Variants in CCDC127 observed in about 807,000 individuals in gnomAD.
CCDC127 encodes coiled-coil domain-containing protein 127.
In CCDC127, 2 loss-of-function variants were observed where a neutral mutation model predicts 4.1. The observed-to-expected ratio is 0.49, with a 90% CI of 0.20 to 1.53. The LOEUF is 1.53. Ranked by LOEUF, CCDC127 falls within the 40% of genes most tolerant of loss-of-function variation. The probability of loss-of-function intolerance (pLI) is 0.23; values close to 1 mark genes in which losing one functional copy is unlikely to be tolerated. For missense variants in CCDC127, 271 were observed against 322.9 expected, an observed-to-expected ratio of 0.84 and a Z score of 1.23; for synonymous variants, 98 against 120.4, an observed-to-expected ratio of 0.81 and a Z score of 1.22.
In CCDC127 at chr5:196,950, A is replaced by T. The variant is rs1479656233; in HGVS notation, c.*8347T>A. On this transcript the variant is annotated 3_prime_UTR_variant, in exon 3 of 3. Transcript: ENST00000296824. Reference sequence around the variant, plus strand: ...CTGGCACCGGCCTCTGAGTTCCCTCAGTTTTTATTATTATTTTCATTATTT... The same window carrying T: ...CTGGCACCGGCCTCTGAGTTCCCTCTGTTTTTATTATTATTTTCATTATTT... The T allele has an allele frequency of 3.7e-5, 2 of 54,108 alleles. No individual in the cohort carries two copies. The highest frequency in any genetic ancestry group is 1.0e-4 in the African/African-American group (2 of 19,736). The allele number at this position is 54,108 out of a possible 1,614,324, so 3.4% of individuals were successfully genotyped here.
At chr5:208,740 T>C (rs1289817285) in intron 2 of CCDC127, among the ~76,000 whole-genome samples, 2 of 152,244 alleles carry the variant, frequency 1.3e-5, no homozygotes, top group African/African-American at 4.8e-5. Flanking sequence ...GTAAGGAGGC[T>C]GCGTGGCCCT....
At chr5:217,053 C>T in intron 1 of CCDC127, 194 bp from the exon 2 acceptor site, 1 of 549,416 alleles carries the variant, frequency 1.8e-6, no homozygotes, top group Non-Finnish European at 3.1e-6. Context: ...ATCGCTTGAA[C>T]CTGGGAGGTG....
chr5:205,506 C>A lies in CCDC127; in HGVS notation c.574G>T (p.Val192Leu), dbSNP rs751403004. The A allele has an allele frequency of 1.1e-5, 18 of 1,613,990 alleles. No homozygotes were observed. Among genetic ancestry groups the A allele is most frequent in the Non-Finnish European group, 1.4e-5 (17 of 1,179,846 alleles). ...KRLEIEKSLL[V>L]RASVDPVAAD... ...GCGACGGGGTCGACGGACGCTCGCA[C>A]CAGTAAGCTCTTCTCTATCTCCAGC... The change falls in exon 3 of 3, where the codon GTG (valine) becomes TTG (leucine). Residue 192 changes from valine (V) to leucine (L), a missense_variant. Val to Leu is a conservative substitution (Grantham distance 32). This residue lies in a region of CCDC127 where 265 missense variants were observed against 270.9 expected (regional missense o/e 0.98). Coordinates refer to ENST00000296824, the MANE Select transcript of CCDC127 (RefSeq NM_145265.3).
intron 2 of CCDC127, among the ~76,000 whole-genome samples, chr5:207,441 G>C (rs1395273582): frequency 6.6e-6 from 1 of 152,190 alleles, no homozygotes; most frequent in Non-Finnish European, 1.5e-5. Flanking sequence ...GGAGAGAGAA[G>C]GGAAGGCTCG....
rs1734120861 is a variant in CCDC127, at chr5:204,011, A to C, written c.*1286T>G. Reference sequence around the variant, plus strand: ...TACTTGTGCTCACGGCACAGACCACACCAAACCCACCCTCCTTCTGGACAA... The same window carrying C: ...TACTTGTGCTCACGGCACAGACCACCCCAAACCCACCCTCCTTCTGGACAA... On this transcript the variant is annotated 3_prime_UTR_variant, in exon 3 of 3. Transcript: ENST00000296824. 1.3e-5 allele frequency: 2 copies of C among 152,266 alleles called. No individual in the cohort carries two copies. The highest frequency in any genetic ancestry group is 4.8e-5 in the African/African-American group (2 of 41,444). The allele number at this position is 152,266 out of a possible 1,614,324, so 9.4% of individuals were successfully genotyped here. A position where few individuals can be genotyped will look rare whatever the true frequency, so the allele number is the denominator to read the frequency against.
chr5:201,600 C>T lies in CCDC127; in HGVS notation c.*3697G>A, dbSNP rs752739894. 4 of 152,060 alleles carry T rather than the reference C, an allele frequency of 2.6e-5. No homozygotes were observed. Among genetic ancestry groups the T allele is most frequent in the African/African-American group, 7.3e-5 (3 of 41,378 alleles). The allele number at this position is 152,060 out of a possible 1,614,324, so 9.4% of individuals were successfully genotyped here. A position where few individuals can be genotyped will look rare whatever the true frequency, so the allele number is the denominator to read the frequency against. ...TTATATATCCTTATGGATGAATAAGCGCAAAGGAGGAAAAAGCGCATCTAC... is the reference window on the plus strand; with the variant it reads ...TTATATATCCTTATGGATGAATAAGTGCAAAGGAGGAAAAAGCGCATCTAC... On this transcript the variant is annotated 3_prime_UTR_variant, in exon 3 of 3. Transcript: ENST00000296824.
At chr5:215,153 G>C (rs1734355636) in intron 2 of CCDC127, 1 of 152,128 alleles carries the variant, frequency 6.6e-6, no homozygotes, top group African/African-American at 2.4e-5. Context: ...ACTACACTAG[G>C]GGCTGGTTAA....
rs1734162881 is a variant in CCDC127 at position 205,925 on chromosome 5, A to G, written c.155T>C (p.Val52Ala). The change falls in exon 3 of 3, where the codon GTA (valine) becomes GCA (alanine). Residue 52 changes from valine to alanine, a missense_variant. Transcript: ENST00000296824. ...WIWSRESQKE[V>A]EKEREAYRRR... is the part of the protein sequence containing the mutation. ...ACGGTAGGCTTCTCTCTCTTTTTCT[A>G]CTTCTTTCTGGGACTCCCTAGACCA... The G allele has an allele frequency of 1.9e-6, 3 of 1,613,374 alleles. No individual in the cohort carries two copies. Among genetic ancestry groups the G allele is most frequent in the Non-Finnish European group, 2.5e-6 (3 of 1,179,608 alleles).
At position 197,370 on chromosome 5, in the gene CCDC127, G is replaced by A. The variant is rs896360917; in HGVS notation, c.*7927C>T. 1 of 152,236 alleles carries A rather than the reference G, an allele frequency of 6.6e-6. No individual in the cohort carries two copies. Among genetic ancestry groups the A allele is most frequent in the Admixed American group, 6.5e-5 (1 of 15,292 alleles). The allele number at this position is 152,236 out of a possible 1,614,324, so 9.4% of individuals were successfully genotyped here. A position where few individuals can be genotyped will look rare whatever the true frequency, so the allele number is the denominator to read the frequency against. On this transcript the variant is annotated 3_prime_UTR_variant, in exon 3 of 3. Transcript: ENST00000296824. ...ACCCTTTACGGGTGTCGGGCTGGGG[G>A]ACGGTCAGGTCTTTCTCATTCCACG...
In CCDC127 at chr5:202,902, A is replaced by T. The variant is rs538025007; in HGVS notation, c.*2395T>A. ...CTTGATGCATCAGGAAGTACAAACA[A>T]CAACAGGAAGAGTTTTGTCCAGATT... On this transcript the variant is annotated 3_prime_UTR_variant, in exon 3 of 3. Transcript: ENST00000296824. The T allele has an allele frequency of 6.6e-5, 10 of 152,306 alleles. No homozygotes were observed. The highest frequency in any genetic ancestry group is 2.4e-4 in the African/African-American group (10 of 41,554). 9.4% of individuals were successfully genotyped at this position (152,306 alleles called of 1,614,324 possible).
intron 2 of CCDC127, among the ~76,000 whole-genome samples, chr5:207,581 C>A (rs561826867): frequency 1.3e-5 from 2 of 152,124 alleles, no homozygotes; most frequent in Non-Finnish European, 2.9e-5. Flanking sequence ...GCGAGAGCAT[C>A]GGAGAGTGAG....
At position 205,097 on chromosome 5, in the gene CCDC127, C is replaced by T; in HGVS notation, c.*200G>A. On this transcript the variant is annotated 3_prime_UTR_variant, in exon 3 of 3. Coordinates refer to ENST00000296824, the MANE Select transcript of CCDC127 (RefSeq NM_145265.3). ...CAAGAAACCATATCCCCAACAGCGG[C>T]AGAGCATCGGGAGGAGACCCTCTGT... is the stretch of plus-strand genomic sequence containing the variant. The T allele has an allele frequency of 1.8e-6, 1 of 543,840 alleles. No individual in the cohort carries two copies. The allele number at this position is 543,840 out of a possible 1,614,324, so 33.7% of individuals were successfully genotyped here.
intron 2 of CCDC127, among the ~76,000 whole-genome samples, chr5:207,783 G>C (rs567514509): frequency 6.6e-6 from 1 of 152,288 alleles, no homozygotes; most frequent in South Asian, 2.1e-4. Flanking sequence ...AGGTGTGGAG[G>C]GGTGGAGGTG....
chr5:218,094 T>C lies in CCDC127; in HGVS notation c.-12A>G. ...TCCCCGGAACAGGGCCCGCTCTACC[T>C]CGGTCGGGGAGCGCGGGACCTCAGC... On this transcript the variant is annotated splice_region_variant and 5_prime_UTR_variant, in exon 1 of 3. Transcript: ENST00000296824. 8.4e-7 allele frequency: 1 copy of C among 1,197,194 alleles called. No individual in the cohort carries two copies. Among genetic ancestry groups the C allele is most frequent in the Non-Finnish European group, 1.0e-6 (1 of 963,546 alleles). 74.2% of individuals were successfully genotyped at this position (1,197,194 alleles called of 1,614,324 possible).
chr5:205,605 G>A lies in CCDC127; in HGVS notation c.475C>T (p.Leu159=), dbSNP rs1341226026. 6.2e-7 allele frequency: 1 copy of A among 1,614,224 alleles called. No homozygotes were observed. The highest frequency in any genetic ancestry group is 1.1e-5 in the South Asian group (1 of 91,088). The change falls in exon 3 of 3, where the codon CTG becomes TTG. Residue 159 remains leucine (L), a synonymous_variant. Transcript: ENST00000296824. ...ENWQRRARLL[L]KEFEAVLTER... ...GTGAGAACAGCTTCAAATTCTTTCA[G>A]CAAAAGCCTGGCTCTCCTTTGCCAG... is the stretch of plus-strand genomic sequence containing the variant.
intron 2 of CCDC127, among the ~76,000 whole-genome samples, chr5:206,658 G>GT (rs1158776131): frequency 6.6e-6 from 1 of 152,172 alleles, no homozygotes; most frequent in Non-Finnish European, 1.5e-5. Context: ...CATCCCACAA[G>GT]TAAGAGTTGG....
At chr5:215,363 G>GA (rs1038588266) in intron 2 of CCDC127, 2 of 152,168 alleles carry the variant, frequency 1.3e-5, no homozygotes, top group African/African-American at 4.8e-5. Flanking sequence ...TTTCAAAAGT[G>GA]AAAGTTATCA....
chr5:202,066 C>CA lies in CCDC127; in HGVS notation c.*3230dup, dbSNP rs1202660230. On this transcript the variant is annotated 3_prime_UTR_variant, in exon 3 of 3. Transcript: ENST00000296824. ...AATTCAGCACACACACCAACCAGCA[C>CA]AATTACCCTTTTCTGCAACTTTAAA... 3.3e-5 allele frequency: 5 copies of CA among 152,274 alleles called. No homozygotes were observed. Among genetic ancestry groups the CA allele is most frequent in the African/African-American group, 1.2e-4 (5 of 41,466 alleles). The allele number at this position is 152,274 out of a possible 1,614,324, so 9.4% of individuals were successfully genotyped here.
chr5:208,648 G>A (rs1193761295), intron 2 of CCDC127, among the ~76,000 whole-genome samples: 1 of 152,200 alleles, frequency 6.6e-6, no homozygotes, highest in Non-Finnish European at 1.5e-5. Flanking sequence ...AGGCCGGGGG[G>A]CTGGAACTCC....
Sources: allele counts gnomAD v4.1 joint callset (sites outside exome capture counted in the v4.1 genomes callset), GRCh38; gene constraint gnomAD v4.1.1; regional missense constraint gnomAD v4.1.1; transcripts MANE v1.5; gene names NCBI Gene and HGNC (gene_info 2026-07-23, HGNC 2026-07-21).